Variants in RCC1L observed in about 807,000 individuals in gnomAD.
RCC1L encodes RCC1-like G exchanging factor-like protein.
In RCC1L, 46 loss-of-function variants were observed where a neutral mutation model predicts 58.6. The observed-to-expected ratio is 0.79, with a 90% CI of 0.62 to 1.00. RCC1L has a LOEUF of 1.00. Ranked by LOEUF, RCC1L falls within the 50% of genes least tolerant of loss-of-function variation. The pLI is 0.00. For missense variants in RCC1L, 636 were observed against 623.6 expected (o/e 1.02, Z -0.21); for synonymous variants, 281 against 262.9 (o/e 1.07, Z -0.67).
chr7:75,055,189 G>C (rs1378664104), intron 9 of RCC1L, among the ~76,000 whole-genome samples: 1 of 152,220 alleles, frequency 6.6e-6, no homozygotes, highest in Non-Finnish European at 1.5e-5. Flanking sequence ...GAGAATCACA[G>C]AATGAAATTA....
At chr7:75,052,350 T>A (rs1277650300) in intron 10 of RCC1L, among the ~76,000 whole-genome samples, 11 of 152,284 alleles carry the variant, frequency 7.2e-5, no homozygotes, top group Non-Finnish European at 8.8e-5. Flanking sequence ...GTTTCCCCGA[T>A]CCACCCCAAG....
chr7:75,041,200 C>A (rs587776160), downstream of RCC1L, among the ~76,000 whole-genome samples: 11 of 148,328 alleles, frequency 7.4e-5, no homozygotes, highest in African/African-American at 2.7e-4. Flanking sequence ...GGCGACAGAG[C>A]GAGACTCCAT....
chr7:75,043,911 C>T (rs1371661784), intron 10 of RCC1L, among the ~76,000 whole-genome samples: 1 of 152,166 alleles, frequency 6.6e-6, no homozygotes, highest in Non-Finnish European at 1.5e-5. Context: ...TACCCGTCAC[C>T]CCCAGCTCCA....
downstream of RCC1L, among the ~76,000 whole-genome samples, chr7:75,038,052 T>G (rs1805466898): frequency 6.6e-6 from 1 of 152,110 alleles, no homozygotes; most frequent in African/African-American, 2.4e-5. Context: ...AAGTGTGGGG[T>G]CCTGGAGGCA....
Position 75,042,899 on chromosome 7 carries a change from C to T in RCC1L, c.*133G>A. 7 of 1,523,212 alleles carry T rather than the reference C, an allele frequency of 4.6e-6. No homozygotes were observed. The highest frequency in any genetic ancestry group is 5.3e-6 in the Non-Finnish European group (6 of 1,131,148). The allele number at this position is 1,523,212 out of a possible 1,614,324, so 94.4% of individuals were successfully genotyped here. A position where few individuals can be genotyped will look rare whatever the true frequency, so the allele number is the denominator to read the frequency against. ...TAGGTACCCGCTAAGGGATTCAGGACAGAGCGTCACACTGCACGCAGGGTC... is the reference window on the plus strand; with the variant it reads ...TAGGTACCCGCTAAGGGATTCAGGATAGAGCGTCACACTGCACGCAGGGTC... On this transcript the variant is annotated 3_prime_UTR_variant, in exon 11 of 11. Coordinates refer to ENST00000610322, the MANE Select transcript of RCC1L (RefSeq NM_030798.5).
At chr7:75,068,320 C>CAAAAA (rs67141856) in intron 2 of RCC1L, among the ~76,000 whole-genome samples, 1 of 114,472 alleles carries the variant, frequency 8.7e-6, no homozygotes. Flanking sequence ...AACTCTGACT[C>CAAAAA]AAAAAAAAAA....
chr7:75,029,030 G>A (rs1338857100), intron 10 of RCC1L, among the ~76,000 whole-genome samples: 2 of 152,252 alleles, frequency 1.3e-5, no homozygotes, highest in Non-Finnish European at 2.9e-5. Context: ...TTGTTCAGCA[G>A]GAGGAGGCTT....
At chr7:75,034,201 A>G (rs1805380600) in intron 10 of RCC1L, among the ~76,000 whole-genome samples, 1 of 152,186 alleles carries the variant, frequency 6.6e-6, no homozygotes, top group South Asian at 2.1e-4. Flanking sequence ...CTGGATGCAC[A>G]TTGGAGGACA....
rs1179391514 is a variant in RCC1L, at chr7:75,027,722, C to T, written c.*310G>A. ...GCTGCCCCCTGGGGACCCTGCTCCT[C>T]GGTCACAGGGGGCCCCTTTAGTTTT... On this transcript the variant is annotated 3_prime_UTR_variant, in exon 11 of 11. Coordinates refer to the RCC1L transcript ENST00000614461. The T allele has an allele frequency of 1.7e-5, 7 of 408,016 alleles. 1 individual carries two copies. The highest frequency in any genetic ancestry group is 4.6e-5 in the South Asian group (2 of 43,756). 25.3% of individuals were successfully genotyped at this position (408,016 alleles called of 1,614,324 possible). A position where few individuals can be genotyped will look rare whatever the true frequency, so the allele number is the denominator to read the frequency against.
intron 4 of RCC1L, 111 bp downstream of exon 4, chr7:75,064,471 C>A (rs1806388504): frequency 8.5e-7 from 1 of 1,176,626 alleles, no homozygotes; most frequent in Non-Finnish European, 1.3e-6. Flanking sequence ...TTCTCACGGC[C>A]CCCTCTCAGG....
chr7:75,070,672 T>C lies in RCC1L; in HGVS notation c.422A>G (p.Gln141Arg), dbSNP rs1554445935. 7 of 1,613,942 alleles carry C rather than the reference T, an allele frequency of 4.3e-6. No individual in the cohort carries two copies. The Admixed American group carries it at 1.0e-4, about 23-fold the overall frequency. ...VWGMGLNKDS[Q>R]LGFHRSRKDK... The stretch of plus-strand genomic sequence containing the variant: ...TTTCCGGCTCCTGTGAAATCCAAGC[T>C]GAGAATCTTTGTTGAGTCCCATCCC... The change falls in exon 2 of 11, where the codon CAG (glutamine) becomes CGG (arginine). Residue 141 changes from glutamine to arginine, a missense_variant. Gln to Arg is a conservative substitution (Grantham distance 43). Transcript: ENST00000610322.
intron 3 of RCC1L, among the ~76,000 whole-genome samples, chr7:75,065,645 C>T (rs1040824736): frequency 6.6e-6 from 1 of 152,204 alleles, no homozygotes. Flanking sequence ...GGCCATGTTA[C>T]CCAGGGGCCC....
rs1309080707 is a variant in RCC1L, at chr7:75,055,971, C to T, written c.1161G>A (p.Leu387=). The change falls in exon 9 of 11, where the codon TTG becomes TTA. Residue 387 remains leucine, a synonymous_variant. Transcript: ENST00000610322. ...PEMIPPTLFG[L]TEFNPEIQVS... ...CCTGGATTTCTGGGTTGAACTCCGT[C>T]AAGCCAAAGAGAGTGGGTGGAATCA... 6 of 1,613,930 alleles carry T rather than the reference C, an allele frequency of 3.7e-6. No individual in the cohort carries two copies. Among genetic ancestry groups the T allele is most frequent in the Non-Finnish European group, 5.1e-6 (6 of 1,179,862 alleles).
chr7:75,067,198 G>C (rs1217717882), intron 2 of RCC1L, among the ~76,000 whole-genome samples: 1 of 152,118 alleles, frequency 6.6e-6, no homozygotes, highest in African/African-American at 2.4e-5. Context: ...CTACTCGGGA[G>C]GCTGAGGCAG....
Position 75,031,292 on chromosome 7 carries a change from C to T in RCC1L, c.1318-3213G>A, listed in dbSNP as rs1024668437. ...CCCTCCAACCCTCACCTGGCGTGCC[C>T]GGGTCACCAGCAGCAGCAGCGGCGT... On this transcript the variant is annotated intron_variant, in intron 10 of 10. Coordinates refer to the RCC1L transcript ENST00000614461. 2.6e-4 allele frequency among the ~76,000 whole-genome samples: 40 copies of T among 152,206 alleles called. No homozygotes were observed. In the South Asian group the frequency reaches 5.0e-3, roughly 19 times the overall value.
chr7:75,066,847 T>A, intron 2 of RCC1L, 55 bp from the exon 3 acceptor site: 1 of 1,569,394 alleles, frequency 6.4e-7, no homozygotes, highest in African/African-American at 1.4e-5. Context: ...CTGGAAATCA[T>A]ACTGTCCAAC....
At chr7:75,042,094 C>G, downstream of RCC1L, 1 of 790,022 alleles carries the variant, frequency 1.3e-6, no homozygotes, top group Non-Finnish European at 1.5e-6. Context: ...AAGTATTTTT[C>G]ACTGGCTTCT....
chr7:75,042,295 G>A lies in RCC1L; in HGVS notation c.*737C>T. On this transcript the variant is annotated 3_prime_UTR_variant, in exon 11 of 11. Transcript: ENST00000610322. The stretch of plus-strand genomic sequence containing the variant: ...AATCAAACATTGTTCACAATTTCTG[G>A]ATCTTCCTCCTCCGCCTGGCACTGC... The A allele has an allele frequency of 1.0e-6, 1 of 985,470 alleles. No homozygotes were observed. Among genetic ancestry groups the A allele is most frequent in the Non-Finnish European group, 1.2e-6 (1 of 829,954 alleles). The allele number at this position is 985,470 out of a possible 1,614,324, so 61.0% of individuals were successfully genotyped here.
At chr7:75,055,305 C>T (rs972432804) in intron 9 of RCC1L, among the ~76,000 whole-genome samples, 1 of 152,286 alleles carries the variant, frequency 6.6e-6, no homozygotes, top group South Asian at 2.1e-4. Context: ...ACATTCCTTA[C>T]CCTTACCCTG....
Sources: gnomAD v4.1 joint callset for allele counts (sites outside exome capture counted in the v4.1 genomes callset) on GRCh38, gnomAD v4.1.1 for gene constraint, MANE v1.5 for transcripts, NCBI Gene and HGNC (gene_info 2026-07-23, HGNC 2026-07-21) for gene names.